The following ARFGAP1 variants were observed in gnomAD, a reference collection of about 807,000 sequenced individuals.
ARFGAP1 encodes the protein ADP-ribosylation factor GTPase-activating protein 1.
A neutral mutation model predicts 54.0 loss-of-function variants in ARFGAP1; 26 were observed. The observed-to-expected ratio is 0.48, with a 90% confidence interval of 0.35 to 0.67. ARFGAP1 has a LOEUF of 0.67. ARFGAP1 is among the 30% of genes least tolerant of loss of function. ARFGAP1 has a pLI of 0.00. For synonymous variants in ARFGAP1, 248 were observed against 211.9 expected, an observed-to-expected ratio of 1.17 and a Z score of -1.48; for missense variants, 525 against 535.8, an observed-to-expected ratio of 0.98 and a Z score of 0.20.
rs780461935 is a variant in ARFGAP1 at position 63,287,551 on chromosome 20, G to C, written c.912-13G>C. ...AACAGTCATTTAGAGTCCCCCTTCTGTCTCTTTAAAAGCCCCTCGGAGGGC... is the reference window on the plus strand; with the variant it reads ...AACAGTCATTTAGAGTCCCCCTTCTCTCTCTTTAAAAGCCCCTCGGAGGGC... On this transcript the variant is annotated splice_polypyrimidine_tract_variant and intron_variant, in intron 12 of 12. Transcript: ENST00000370283. The C allele has an allele frequency of 3.2e-6, 5 of 1,568,290 alleles. No homozygotes were observed. The South Asian group carries it at 5.7e-5, about 18-fold the overall frequency.
At chr20:63,282,632 A>G (rs2067414171) in intron 8 of ARFGAP1, among the ~76,000 whole-genome samples, 187 bp from the exon 9 acceptor site, 1 of 152,188 alleles carries the variant, frequency 6.6e-6, no homozygotes, top group Non-Finnish European at 1.5e-5. Flanking sequence ...AGAGGCCAGC[A>G]TTTGTGCTAA....
intron 6 of ARFGAP1, 133 bp downstream of exon 6, chr20:63,278,336 T>G: frequency 1.2e-6 from 1 of 847,606 alleles, no homozygotes; most frequent in Non-Finnish European, 1.9e-6. Flanking sequence ...GTGCAGGGTC[T>G]GATTGCAGTG....
At chr20:63,284,096 T>C (rs1462447543) in intron 9 of ARFGAP1, 1 of 1,341,382 alleles carries the variant, frequency 7.5e-7, no homozygotes, top group Non-Finnish European at 9.5e-7. Flanking sequence ...GCAGTACCAC[T>C]GCGCTCCCCC....
intron 1 of ARFGAP1, among the ~76,000 whole-genome samples, chr20:63,274,582 G>A (rs1370915447): frequency 2.6e-5 from 4 of 151,854 alleles, no homozygotes; most frequent in Non-Finnish European, 5.9e-5. Context: ...AACAGCACAC[G>A]GCTCCATTCA....
chr20:63,277,119 C>A, intron 4 of ARFGAP1, 86 bp from the exon 5 acceptor site: 1 of 1,191,452 alleles, frequency 8.4e-7, no homozygotes, highest in Non-Finnish European at 1.2e-6. Flanking sequence ...TCCAGGCGGG[C>A]CGTGGGGGGT....
At chr20:63,277,124 G>A in intron 4 of ARFGAP1, 81 bp from the exon 5 acceptor site, 1 of 1,258,224 alleles carries the variant, frequency 7.9e-7, no homozygotes, top group Non-Finnish European at 1.1e-6. Context: ...GCGGGCCGTG[G>A]GGGGTGCGCT....
chr20:63,288,613 G>GC lies in ARFGAP1; in HGVS notation c.*743dup. The stretch of plus-strand genomic sequence containing the variant: ...TGGAAGAAAAAGGAGCGCAGGGTGG[G>GC]CCCTCGGCCCTGATGCAGGAGGGTG... On this transcript the variant is annotated 3_prime_UTR_variant, in exon 13 of 13. Coordinates refer to ENST00000370283, the MANE Select transcript of ARFGAP1 (RefSeq NM_018209.4). 2.3e-6 allele frequency: 1 copy of GC among 432,114 alleles called. No homozygotes were observed. Among genetic ancestry groups the GC allele is most frequent in the South Asian group, 1.6e-5 (1 of 61,716 alleles). The allele number at this position is 432,114 out of a possible 1,614,324, so 26.8% of individuals were successfully genotyped here. A position where few individuals can be genotyped will look rare whatever the true frequency, so the allele number is the denominator to read the frequency against.
At chr20:63,278,258 T>A (rs2067284085) in intron 6 of ARFGAP1, 55 bp downstream of exon 6, 5 of 1,581,456 alleles carry the variant, frequency 3.2e-6, no homozygotes, top group Non-Finnish European at 4.3e-6. Context: ...CAGGGTTCAG[T>A]CTGGTGGGTA....
chr20:63,278,746 C>G (rs1374583122), intron 6 of ARFGAP1, among the ~76,000 whole-genome samples, 153 bp from the exon 7 acceptor site: 1 of 137,036 alleles, frequency 7.3e-6, no homozygotes, highest in African/African-American at 2.5e-5. Flanking sequence ...GCACATCTCT[C>G]TGCTGCCACA....
intron 5 of ARFGAP1, 148 bp from the exon 6 acceptor site, chr20:63,277,969 A>C: frequency 3.0e-6 from 2 of 657,170 alleles, no homozygotes; most frequent in Non-Finnish European, 5.3e-6. Context: ...GCAGCCACTC[A>C]GAGCTGAAGG....
At position 63,276,461 on chromosome 20, in the gene ARFGAP1, T is replaced by C. The variant is rs775025548; in HGVS notation, c.171-19T>C. 2 of 1,601,992 alleles carry C rather than the reference T, an allele frequency of 1.2e-6. No homozygotes were observed. The highest frequency in any genetic ancestry group is 8.5e-7 in the Non-Finnish European group (1 of 1,173,144). On this transcript the variant is annotated intron_variant, in intron 3 of 12. Coordinates refer to ENST00000370283, the MANE Select transcript of ARFGAP1 (RefSeq NM_018209.4). The surrounding 1 kb of genome is among the most constrained non-coding windows in gnomAD (Gnocchi z 5.2). ...GTGTCCCCGGTGCTGGTTGATCTGC[T>C]CGATCCTCTGCTTTCCAGCTTTGTG...
At chr20:63,280,635 C>T (rs971124434) in intron 7 of ARFGAP1, among the ~76,000 whole-genome samples, 2 of 152,252 alleles carry the variant, frequency 1.3e-5, no homozygotes, top group African/African-American at 2.4e-5. Flanking sequence ...CTAGCTCTTG[C>T]AGTCATTGCT....
chr20:63,283,539 AC>A (rs1250778088), intron 9 of ARFGAP1: 3 of 404,690 alleles, frequency 7.4e-6, no homozygotes, highest in Non-Finnish European at 1.3e-5. Context: ...CCCATCCGTC[AC>A]CCCCGTGGCC....
Position 63,288,639 on chromosome 20 carries a change from C to A in ARFGAP1, c.*766C>A. ...CCCTCGGCCCTGATGCAGGAGGGTG[C>A]GATAGCGGACGTGGCCAGGCAGGAG... On this transcript the variant is annotated 3_prime_UTR_variant, in exon 13 of 13. Coordinates refer to ENST00000370283, the MANE Select transcript of ARFGAP1 (RefSeq NM_018209.4). 2.5e-6 allele frequency: 1 copy of A among 396,190 alleles called. No individual in the cohort carries two copies. The highest frequency in any genetic ancestry group is 1.8e-5 in the South Asian group (1 of 55,634). 24.5% of individuals were successfully genotyped at this position (396,190 alleles called of 1,614,324 possible).
intron 11 of ARFGAP1, 74 bp from the exon 12 acceptor site, chr20:63,286,292 T>A: frequency 6.2e-7 from 1 of 1,600,032 alleles, no homozygotes. Context: ...CGTGCCGGCT[T>A]GCGTGTGGGG....
At chr20:63,280,607 C>T (rs898767508) in intron 7 of ARFGAP1, among the ~76,000 whole-genome samples, 7 of 152,250 alleles carry the variant, frequency 4.6e-5, no homozygotes, top group Admixed American at 3.3e-4. Flanking sequence ...CACCTCTGGC[C>T]GCTGACGGCC....
chr20:63,278,025 C>A, intron 5 of ARFGAP1, 92 bp from the exon 6 acceptor site: 1 of 1,185,006 alleles, frequency 8.4e-7, no homozygotes, highest in Non-Finnish European at 1.2e-6. Flanking sequence ...AAGGCACTGC[C>A]CACGTAGGCC....
chr20:63,275,359 G>A (rs905336705), intron 1 of ARFGAP1, among the ~76,000 whole-genome samples: 3 of 152,148 alleles, frequency 2.0e-5, no homozygotes, highest in Non-Finnish European at 2.9e-5. Flanking sequence ...CGCCCTGGCC[G>A]CAGCCTGGGA....
In ARFGAP1 at chr20:63,287,503, G is replaced by C. The variant is rs1250316729; in HGVS notation, c.912-61G>C. On this transcript the variant is annotated intron_variant, in intron 12 of 12. Transcript: ENST00000370283. ...CAGGTGCAGAGCTCTCGGGGGCACAGAATTCCCAGTGGTGGACTGAGTAAC... is the reference window on the plus strand; with the variant it reads ...CAGGTGCAGAGCTCTCGGGGGCACACAATTCCCAGTGGTGGACTGAGTAAC... 4.0e-6 allele frequency: 6 copies of C among 1,483,446 alleles called. No individual in the cohort carries two copies. The African/African-American group carries it at 8.5e-5, about 21-fold the overall frequency. The allele number at this position is 1,483,446 out of a possible 1,614,324, so 91.9% of individuals were successfully genotyped here. A position where few individuals can be genotyped will look rare whatever the true frequency, so the allele number is the denominator to read the frequency against.
Sources: allele counts gnomAD v4.1 joint callset (sites outside exome capture counted in the v4.1 genomes callset), GRCh38; gene constraint gnomAD v4.1.1; non-coding constraint Gnocchi (gnomAD v3.1); transcripts MANE v1.5; gene names NCBI Gene and HGNC (gene_info 2026-07-23, HGNC 2026-07-21).